Variants in MYOM3 observed in about 807,000 individuals in gnomAD.
The protein encoded by MYOM3 is myomesin 3.
Under a neutral mutation model 191.7 loss-of-function variants are expected in MYOM3, and 155 were observed. The ratio of observed to expected loss-of-function variants is 0.81; its 90% CI spans 0.71 to 0.92. MYOM3 has a LOEUF of 0.92. Among genes scored for constraint, MYOM3 ranks in the 40% least tolerant of loss-of-function variants. The probability of loss-of-function intolerance (pLI) is 0.00; values close to 1 mark genes in which losing one functional copy is unlikely to be tolerated. For missense variants in MYOM3, 1,889 were observed against 1,890.6 expected (o/e 1.00, Z 0.02); for synonymous variants, 757 against 762.9 (o/e 0.99, Z 0.13).
intron 36 of MYOM3, among the ~76,000 whole-genome samples, chr1:24,058,015 C>T (rs1250580007): frequency 6.6e-6 from 1 of 152,136 alleles, no homozygotes; most frequent in African/African-American, 2.4e-5. Context: ...CCGTGTTGAT[C>T]AGGCTGGTCT....
At chr1:24,068,633 A>G (rs935942673) in intron 25 of MYOM3, among the ~76,000 whole-genome samples, 2 of 152,202 alleles carry the variant, frequency 1.3e-5, no homozygotes, top group Non-Finnish European at 2.9e-5. Flanking sequence ...ATCAGTTACA[A>G]TTTAATAATA....
Position 24,074,145 on chromosome 1 carries a change from G to T in MYOM3, c.2968+15C>A. ...CTCTCTGGGGAGGTGGCAGGGAGCG[G>T]GGTAGGTGCATTACCTTCCTCGGTT... On this transcript the variant is annotated intron_variant, in intron 23 of 36. Coordinates refer to ENST00000374434, the MANE Select transcript of MYOM3 (RefSeq NM_152372.4). 1 of 1,591,886 alleles carries T rather than the reference G, an allele frequency of 6.3e-7. No homozygotes were observed. Among genetic ancestry groups the T allele is most frequent in the Non-Finnish European group, 8.6e-7 (1 of 1,160,424 alleles).
rs1643858343 is a variant in MYOM3, at chr1:24,092,987, G to A, written c.1050C>T (p.Pro350=). The change falls in exon 10 of 37, where the codon CCC becomes CCT. Residue 350 remains proline (P), a synonymous_variant. Coordinates refer to ENST00000374434, the MANE Select transcript of MYOM3 (RefSeq NM_152372.4). ...AGGTGCTCTGTTCCCGGGGTCCGAA[G>A]GGCGAGGGCACCCGGACCATGTAGA... ...EGLYMVRVPS[P]FGPREQSTYV... The A allele has an allele frequency of 2.5e-6, 4 of 1,608,914 alleles. No individual in the cohort carries two copies. Among genetic ancestry groups the A allele is most frequent in the South Asian group, 2.2e-5 (2 of 90,320 alleles).
chr1:24,061,879 A>T (rs534061271), intron 33 of MYOM3, 67 bp downstream of exon 33: 2 of 1,565,646 alleles, frequency 1.3e-6, no homozygotes, highest in African/African-American at 2.7e-5. Context: ...GGACTGACCC[A>T]GTGTGCCCAG....
chr1:24,096,981 G>A (rs75869851), intron 7 of MYOM3, among the ~76,000 whole-genome samples: 1 of 152,214 alleles, frequency 6.6e-6, no homozygotes, highest in African/African-American at 2.4e-5. Context: ...GAGGCTCAGG[G>A]AAGTGAGGTG....
chr1:24,067,165 T>C, intron 27 of MYOM3, 77 bp from the exon 28 acceptor site: 2 of 1,439,668 alleles, frequency 1.4e-6, no homozygotes, highest in South Asian at 2.5e-5. Flanking sequence ...CAGGCAGTGC[T>C]GGGGGGAGGG....
chr1:24,087,108 C>A lies in MYOM3; in HGVS notation c.1615-281G>T, dbSNP rs940425488. Among the ~76,000 whole-genome samples the A allele has an allele frequency of 6.6e-6, 1 of 152,200 alleles. No homozygotes were observed. The highest frequency in any genetic ancestry group is 6.5e-5 in the Admixed American group (1 of 15,290). ...CATCCTTCCAGTCCCTCGGGTGAAA[C>A]CCCTGGAGCCACCCTTGGCCCTTCC... is the stretch of plus-strand genomic sequence containing the variant. On this transcript the variant is annotated intron_variant, in intron 14 of 36. Coordinates refer to ENST00000374434, the MANE Select transcript of MYOM3 (RefSeq NM_152372.4). This position sits in a 1 kb window ranked among gnomAD's most constrained non-coding sequence, Gnocchi z 4.5.
intron 26 of MYOM3, 27 bp from the exon 27 acceptor site, chr1:24,068,056 A>C: frequency 6.2e-7 from 1 of 1,613,558 alleles, no homozygotes; most frequent in South Asian, 1.1e-5. Context: ...AGGAACTGGC[A>C]TGAGCCGAGA....
rs181475636 is a variant in MYOM3, at chr1:24,098,383, C to G, written c.657-372G>C. ...TCAAACAAGGATCCTGGAGCGGGAG[C>G]CTCCTCCTTTCTCAGAGAGCAGCAG... On this transcript the variant is annotated intron_variant, in intron 6 of 36. Transcript: ENST00000374434. Among the ~76,000 whole-genome samples, 146 of 152,348 alleles carry G rather than the reference C, an allele frequency of 9.6e-4. 1 individual carries two copies. The highest frequency in any genetic ancestry group is 6.8e-3 in the Middle Eastern group (2 of 294).
At position 24,064,288 on chromosome 1, in the gene MYOM3, C is replaced by T. The variant is rs1210397207; in HGVS notation, c.3535-129G>A. Reference sequence around the variant, plus strand: ...TGTGACCTCAGGTAAGACCCTTCTCCTCCCTGGGCCTCCATTTACTCATCT... The same window carrying T: ...TGTGACCTCAGGTAAGACCCTTCTCTTCCCTGGGCCTCCATTTACTCATCT... On this transcript the variant is annotated intron_variant, in intron 29 of 36. Transcript: ENST00000374434. 9.5e-6 allele frequency: 6 copies of T among 634,042 alleles called. 1 individual carries two copies. The highest frequency in any genetic ancestry group is 5.9e-5 in the South Asian group (3 of 51,242). The allele number at this position is 634,042 out of a possible 1,614,324, so 39.3% of individuals were successfully genotyped here. A position where few individuals can be genotyped will look rare whatever the true frequency, so the allele number is the denominator to read the frequency against.
intron 25 of MYOM3, among the ~76,000 whole-genome samples, chr1:24,069,191 C>T (rs1213640732): frequency 2.0e-5 from 3 of 152,200 alleles, no homozygotes; most frequent in Non-Finnish European, 4.4e-5. Flanking sequence ...GTTCTTTCTT[C>T]CTCTGGCTTT....
intron 35 of MYOM3, among the ~76,000 whole-genome samples, chr1:24,060,569 G>A (rs1643358262): frequency 6.6e-6 from 1 of 152,140 alleles, no homozygotes; most frequent in Non-Finnish European, 1.5e-5. Context: ...CCACCAGGCC[G>A]CTTAGAACTG....
At position 24,089,655 on chromosome 1, in the gene MYOM3, G is replaced by T; in HGVS notation, c.1497C>A (p.Thr499=). The part of the protein sequence containing the change: ...ISTDAFEDTV[T]IPSPPTNVHA... ...GGACATTGGTTGGCGGTGAGGGGAT[G>T]GTCACAGTATCTGAAATCAGAGTCA... Residue 499 remains threonine (T), a synonymous_variant, in exon 14 of 37, where the codon ACC becomes ACA. Coordinates refer to ENST00000374434, the MANE Select transcript of MYOM3 (RefSeq NM_152372.4). 1 of 1,584,134 alleles carries T rather than the reference G, an allele frequency of 6.3e-7. No individual in the cohort carries two copies.
intron 16 of MYOM3, chr1:24,083,888 G>A: frequency 6.5e-6 from 1 of 152,970 alleles, no homozygotes; most frequent in South Asian, 2.1e-4. Context: ...TTCTTCATCT[G>A]TAAAATAATA....
intron 19 of MYOM3, 51 bp from the exon 20 acceptor site, chr1:24,080,245 G>A (rs1643651112): frequency 2.7e-6 from 4 of 1,472,668 alleles, no homozygotes; most frequent in African/African-American, 1.4e-5. Context: ...CAGCCAGGCA[G>A]CCAGCCAGGT....
Position 24,063,186 on chromosome 1 carries a change from C to T in MYOM3, c.3710G>A (p.Arg1237Gln), listed in dbSNP as rs760649650. 10 of 1,613,908 alleles carry T rather than the reference C, an allele frequency of 6.2e-6. No individual in the cohort carries two copies. The highest frequency in any genetic ancestry group is 2.7e-5 in the African/African-American group (2 of 74,906). The change falls in exon 32 of 37, where the codon CGG becomes CAG. Residue 1237 changes from arginine to glutamine, a missense_variant. By Grantham distance (43) the Arg-to-Gln change is conservative (BLOSUM62 1). Transcript: ENST00000374434. The surrounding 1 kb of genome is among the most constrained non-coding windows in gnomAD (Gnocchi z 4.5). ...LKIQGTEEGI[R>Q]IFSKVKYYNV... ...GTAGTACTTGACCTTGCTGAAGATCCGGATCCCTTCCTCGGTCCCCTGGAT... is the reference window on the plus strand; with the variant it reads ...GTAGTACTTGACCTTGCTGAAGATCTGGATCCCTTCCTCGGTCCCCTGGAT...
chr1:24,081,688 G>A lies in MYOM3; in HGVS notation c.2281-232C>T, dbSNP rs117059982. 1,175 of 594,892 alleles carry A rather than the reference G, an allele frequency of 2.0e-3. 11 individuals carry two copies. Among genetic ancestry groups the A allele is most frequent in the East Asian group, 0.019 (645 of 34,628 alleles). 36.9% of individuals were successfully genotyped at this position (594,892 alleles called of 1,614,324 possible). A position where few individuals can be genotyped will look rare whatever the true frequency, so the allele number is the denominator to read the frequency against. On this transcript the variant is annotated intron_variant, in intron 18 of 36. Transcript: ENST00000374434. The stretch of plus-strand genomic sequence containing the variant: ...TGCAGTCCTCCTGTGTTAGCCTCTC[G>A]AGTAGCCAGGACTACAGGCGCGTGC...
intron 5 of MYOM3, among the ~76,000 whole-genome samples, chr1:24,100,638 G>A (rs1322838258): frequency 6.6e-6 from 1 of 152,200 alleles, no homozygotes; most frequent in Non-Finnish European, 1.5e-5. Flanking sequence ...TGTAATCCCA[G>A]CACTTTGGGA....
intron 10 of MYOM3, among the ~76,000 whole-genome samples, chr1:24,092,618 A>G (rs986241833): frequency 1.3e-5 from 2 of 152,078 alleles, no homozygotes; most frequent in East Asian, 3.9e-4. Flanking sequence ...GAGGTGAGTG[A>G]GTGACCTGCC....
Sources: gnomAD v4.1 joint callset for allele counts (sites outside exome capture counted in the v4.1 genomes callset) on GRCh38, gnomAD v4.1.1 for gene constraint, Gnocchi (gnomAD v3.1) non-coding constraint, MANE v1.5 for transcripts, NCBI Gene and HGNC (gene_info 2026-07-23, HGNC 2026-07-21) for gene names.